THAP12: variants seen among roughly 807,000 people sequenced by gnomAD.
The protein encoded by THAP12 is 52 kDa repressor of the inhibitor of the protein kinase.
In THAP12, 20 loss-of-function variants were observed where a neutral mutation model predicts 63.0. The observed-to-expected ratio is 0.32, with a 90% confidence interval of 0.22 to 0.46. The LOEUF (loss-of-function observed/expected upper bound fraction) is 0.46, where lower values mean the gene tolerates loss of function less well. Among genes scored for constraint, THAP12 ranks in the 20% least tolerant of loss-of-function variants. The pLI is 1.00. For synonymous variants in THAP12, 264 were observed against 328.4 expected, an observed-to-expected ratio of 0.80 and a Z score of 2.12; for missense variants, 568 against 908.2, an observed-to-expected ratio of 0.63 and a Z score of 4.81.
rs373967344 is a variant in THAP12 at position 76,352,259 on chromosome 11, C to A, written c.891G>T (p.Leu297=). 1.3e-5 allele frequency: 21 copies of A among 1,611,890 alleles called. No individual in the cohort carries two copies. The highest frequency in any genetic ancestry group is 1.8e-5 in the Non-Finnish European group (21 of 1,179,798). Residue 297 remains leucine (L), a synonymous_variant, in exon 5 of 5, where the codon CTG becomes CTT. Coordinates refer to ENST00000260045, the MANE Select transcript of THAP12 (RefSeq NM_004705.4). ...HNLREEFIGF[L]PYEADAEILA... ...AAATTTCTGCATCGGCTTCATAAGG[C>A]AGGAAGCCTATAAATTCCTCTCTTA...
intron 2 of THAP12, among the ~76,000 whole-genome samples, chr11:76,365,021 A>G (rs1407469385): frequency 6.6e-6 from 1 of 152,122 alleles, no homozygotes; most frequent in Non-Finnish European, 1.5e-5. Flanking sequence ...AGGCTCATAC[A>G]TGTAATCCCA....
chr11:76,366,501 G>A (rs1946631995), intron 1 of THAP12, among the ~76,000 whole-genome samples: 1 of 152,198 alleles, frequency 6.6e-6, no homozygotes, highest in Admixed American at 6.5e-5. Context: ...CTAACCCGGT[G>A]AAACCCCGTC....
chr11:76,355,203 C>A (rs1360158191), intron 4 of THAP12, among the ~76,000 whole-genome samples: 1 of 152,232 alleles, frequency 6.6e-6, no homozygotes, highest in East Asian at 1.9e-4. Context: ...GACCACTACT[C>A]ACAATGGCAC....
At chr11:76,371,569 C>T (rs1946674429) in intron 1 of THAP12, among the ~76,000 whole-genome samples, 1 of 152,150 alleles carries the variant, frequency 6.6e-6, no homozygotes, top group Non-Finnish European at 1.5e-5. Context: ...TGTAAACATG[C>T]CCTAATGTCT....
At chr11:76,353,227 T>C (rs892273110) in intron 4 of THAP12, among the ~76,000 whole-genome samples, 4 of 152,168 alleles carry the variant, frequency 2.6e-5, no homozygotes, top group Non-Finnish European at 5.9e-5. Flanking sequence ...ACATATGTAA[T>C]GAATGACAGT....
intron 3 of THAP12, chr11:76,357,104 T>C (rs930823950): frequency 3.9e-5 from 6 of 152,104 alleles, no homozygotes; most frequent in African/African-American, 1.4e-4. Flanking sequence ...TTTGTTCTTG[T>C]CATTATTCTC....
chr11:76,364,565 T>C, intron 2 of THAP12: 1 of 237,678 alleles, frequency 4.2e-6, no homozygotes, highest in Non-Finnish European at 8.6e-6. Flanking sequence ...TCAATCAAAT[T>C]TGCCTTATTT....
At chr11:76,370,340 T>A (rs891240715) in intron 1 of THAP12, among the ~76,000 whole-genome samples, 8 of 150,774 alleles carry the variant, frequency 5.3e-5, no homozygotes, top group African/African-American at 1.9e-4. Context: ...AGTTATCATT[T>A]GTGATCTTCT....
At chr11:76,373,079 GTATA>G (rs1486378814) in intron 1 of THAP12, among the ~76,000 whole-genome samples, 3 of 152,252 alleles carry the variant, frequency 2.0e-5, no homozygotes, top group Non-Finnish European at 2.9e-5. Context: ...ATGAAATAAT[GTATA>G]TATAACAGAG....
At position 76,351,763 on chromosome 11, in the gene THAP12, T is replaced by C. The variant is rs1171060249; in HGVS notation, c.1387A>G (p.Ile463Val). ...CAGAGTACAAATGCTCGGCCAGCTA[T>C]ATAGTTATTCCATCTAATATTTGTG... ...SDTNIRWNNY[I>V]AGRAFVLCSA... The change falls in exon 5 of 5, where the codon ATA becomes GTA. Residue 463 changes from isoleucine to valine, a missense_variant. Coordinates refer to ENST00000260045, the MANE Select transcript of THAP12 (RefSeq NM_004705.4). 3.7e-6 allele frequency: 6 copies of C among 1,613,392 alleles called. No individual in the cohort carries two copies. The highest frequency in any genetic ancestry group is 4.5e-5 in the East Asian group (2 of 44,876).
At chr11:76,369,408 C>T (rs1946654793) in intron 1 of THAP12, among the ~76,000 whole-genome samples, 1 of 152,144 alleles carries the variant, frequency 6.6e-6, no homozygotes, top group Admixed American at 6.5e-5. Context: ...TACATGATTC[C>T]TTTGATATGA....
At chr11:76,360,807 T>C (rs1176299187) in intron 3 of THAP12, 149 bp downstream of exon 3, 97 of 622,904 alleles carry the variant, frequency 1.6e-4, no homozygotes, top group Non-Finnish European at 3.9e-5. Context: ...ATCTCACATC[T>C]AGGCTATTTA....
intron 1 of THAP12, among the ~76,000 whole-genome samples, chr11:76,370,752 G>A (rs1241338873): frequency 2.7e-5 from 4 of 150,440 alleles, no homozygotes; most frequent in Non-Finnish European, 4.4e-5. Flanking sequence ...AATCCGGGAG[G>A]TGGAGGTTGC....
At chr11:76,354,926 C>G (rs1946549789) in intron 4 of THAP12, among the ~76,000 whole-genome samples, 1 of 152,150 alleles carries the variant, frequency 6.6e-6, no homozygotes, top group Non-Finnish European at 1.5e-5. Context: ...TGCCCAAGTC[C>G]ATATCTCCTC....
intron 1 of THAP12, among the ~76,000 whole-genome samples, chr11:76,375,657 T>C (rs1007826147): frequency 1.3e-5 from 2 of 150,602 alleles, no homozygotes; most frequent in Admixed American, 6.8e-5. Context: ...TTCATCTTTA[T>C]TGTTTGTTAA....
At chr11:76,378,285 T>C (rs940612321) in intron 1 of THAP12, among the ~76,000 whole-genome samples, 9 of 152,118 alleles carry the variant, frequency 5.9e-5, no homozygotes, top group Non-Finnish European at 1.3e-4. Context: ...TAGCCAGGCA[T>C]GGTGGCGGAT....
chr11:76,369,630 AGCACACC>A (rs1167778508), intron 1 of THAP12, among the ~76,000 whole-genome samples: 3,432 of 152,376 alleles, frequency 0.023, 141 homozygotes, highest in African/African-American at 0.079. Flanking sequence ...TGTGCAAACA[AGCACACC>A]TGCTGAACAC....
At position 76,367,234 on chromosome 11, in the gene THAP12, G is replaced by A. The variant is rs150181117; in HGVS notation, c.90-1262C>T. 9.6e-3 allele frequency among the ~76,000 whole-genome samples: 1,453 copies of A among 151,584 alleles called. 25 individuals are homozygous for A. Among genetic ancestry groups the A allele is most frequent in the African/African-American group, 0.034 (1,404 of 41,286 alleles). ...TAGGATTACAGGCATGCGTTACCAC[G>A]CCTGGCTAATTTTGTATTTTTAGTA... On this transcript the variant is annotated intron_variant, in intron 1 of 4. Coordinates refer to ENST00000260045, the MANE Select transcript of THAP12 (RefSeq NM_004705.4).
chr11:76,361,871 T>G (rs1321277627), intron 2 of THAP12, among the ~76,000 whole-genome samples: 1 of 152,232 alleles, frequency 6.6e-6, no homozygotes, highest in Non-Finnish European at 1.5e-5. Flanking sequence ...AAATAAAAAT[T>G]GATTCATCTG....
Sources: allele counts gnomAD v4.1 joint callset (sites outside exome capture counted in the v4.1 genomes callset), GRCh38; gene constraint gnomAD v4.1.1; transcripts MANE v1.5; gene names NCBI Gene and HGNC (gene_info 2026-07-23, HGNC 2026-07-21).